Variants in KIRREL3 observed in about 807,000 individuals in gnomAD.
KIRREL3 encodes kin of IRRE-like protein 3.
In KIRREL3, 36 loss-of-function variants were observed where a neutral mutation model predicts 89.7. The observed-to-expected ratio is 0.40, with a 90% CI of 0.31 to 0.53. KIRREL3 has a LOEUF of 0.53. KIRREL3 is among the 20% of genes least tolerant of loss of function. The probability of loss-of-function intolerance (pLI) is 0.49; values close to 1 mark genes in which losing one functional copy is unlikely to be tolerated. For synonymous variants in KIRREL3, 445 were observed against 441.4 expected, an observed-to-expected ratio of 1.01 and a Z score of -0.10; for missense variants, 864 against 1,056.6, an observed-to-expected ratio of 0.82 and a Z score of 2.53.
Position 126,459,122 on chromosome 11 carries a change from C to T in KIRREL3, c.743-2668G>A, listed in dbSNP as rs1393152731. On this transcript the variant is annotated intron_variant, in intron 6 of 16. Transcript: ENST00000525144. The surrounding 1 kb of genome is among the most constrained non-coding windows in gnomAD (Gnocchi z 4.8). ...TGCCCTCGCATTATAAAGGCCAACGCTGGGACGTGAGTACCCACCCCAAGT... is the reference window on the plus strand; with the variant it reads ...TGCCCTCGCATTATAAAGGCCAACGTTGGGACGTGAGTACCCACCCCAAGT... 6.6e-6 allele frequency among the ~76,000 whole-genome samples: 1 copy of T among 152,138 alleles called. No individual in the cohort carries two copies. Among genetic ancestry groups the T allele is most frequent in the African/African-American group, 2.4e-5 (1 of 41,410 alleles).
Position 126,462,016 on chromosome 11 carries a change from TTAAAC to T in KIRREL3, c.742+1136_742+1140del, listed in dbSNP as rs958490075. 6.6e-6 allele frequency among the ~76,000 whole-genome samples: 1 copy of T among 152,152 alleles called. No individual in the cohort carries two copies. Among genetic ancestry groups the T allele is most frequent in the African/African-American group, 2.4e-5 (1 of 41,430 alleles). The stretch of plus-strand genomic sequence containing the variant: ...AAGTCCACTTTTGAGTCCTGACTCT[TTAAAC>T]TGAACTAATCCAGTCTTGAGAGGAA... On this transcript the variant is annotated intron_variant, in intron 6 of 16. Transcript: ENST00000525144. The surrounding 1 kb of genome is among the most constrained non-coding windows in gnomAD (Gnocchi z 4.8).
intron 1 of KIRREL3, among the ~76,000 whole-genome samples, chr11:126,894,263 T>C (rs1178796963): frequency 6.6e-6 from 1 of 151,944 alleles, no homozygotes; most frequent in Admixed American, 6.6e-5. Context: ...GCTGGGTAAG[T>C]TTCTACTCAC....
chr11:126,424,443 G>A lies in KIRREL3; in HGVS notation c.*137C>T. ...TGCTTGATCAGAGCTTCGAAGGAAG[G>A]CAGTGGCAGAGGCGCTGGGAGGCTG... On this transcript the variant is annotated 3_prime_UTR_variant, in exon 17 of 17. Coordinates refer to ENST00000525144, the MANE Select transcript of KIRREL3 (RefSeq NM_032531.4). 1 of 768,502 alleles carries A rather than the reference G, an allele frequency of 1.3e-6. No homozygotes were observed. Among genetic ancestry groups the A allele is most frequent in the Non-Finnish European group, 2.1e-6 (1 of 478,238 alleles). The allele number at this position is 768,502 out of a possible 1,614,324, so 47.6% of individuals were successfully genotyped here.
At position 126,474,299 on chromosome 11, in the gene KIRREL3, C is replaced by T. The variant is rs1222718854; in HGVS notation, c.434-833G>A. Among the ~76,000 whole-genome samples the T allele has an allele frequency of 6.6e-6, 1 of 152,186 alleles. No homozygotes were observed. The highest frequency in any genetic ancestry group is 6.5e-5 in the Admixed American group (1 of 15,284). ...TGTCACACCTGCTGTCTGAGTTAGT[C>T]CTCACAACAGTCTGGTGAGGTCAAC... On this transcript the variant is annotated intron_variant, in intron 4 of 16. Transcript: ENST00000525144. This position sits in a 1 kb window ranked among gnomAD's most constrained non-coding sequence, Gnocchi z 6.7.
intron 2 of KIRREL3, among the ~76,000 whole-genome samples, chr11:126,539,498 G>C (rs185178313): frequency 6.6e-6 from 1 of 152,222 alleles, no homozygotes; most frequent in Non-Finnish European, 1.5e-5. Context: ...AGACTGATCA[G>C]CAAGGTTTTG....
chr11:126,525,491 T>C lies in KIRREL3; in HGVS notation c.283+1047A>G, dbSNP rs1024509535. Among the ~76,000 whole-genome samples the C allele has an allele frequency of 6.6e-6, 1 of 152,250 alleles. No homozygotes were observed. Among genetic ancestry groups the C allele is most frequent in the African/African-American group, 2.4e-5 (1 of 41,468 alleles). ...TCGTGCCTGCTATTGACCATTGCTA[T>C]AATGTTTCAATATACATTTTTGGCA... On this transcript the variant is annotated intron_variant, in intron 3 of 16. Coordinates refer to ENST00000525144, the MANE Select transcript of KIRREL3 (RefSeq NM_032531.4). This position sits in a 1 kb window ranked among gnomAD's most constrained non-coding sequence, Gnocchi z 5.4.
chr11:126,828,797 A>G (rs1943505374), intron 1 of KIRREL3, among the ~76,000 whole-genome samples: 1 of 152,140 alleles, frequency 6.6e-6, no homozygotes, highest in South Asian at 2.1e-4. Context: ...GTTTTTATTT[A>G]TTTAATTTTT....
At chr11:126,507,174 A>G (rs2134384844) in intron 4 of KIRREL3, among the ~76,000 whole-genome samples, 1 of 152,340 alleles carries the variant, frequency 6.6e-6, no homozygotes, top group African/African-American at 2.4e-5. Context: ...GCCAAATCCA[A>G]GAAGCACTGC....
chr11:126,889,492 T>C (rs906618462), intron 1 of KIRREL3, among the ~76,000 whole-genome samples: 2 of 152,174 alleles, frequency 1.3e-5, no homozygotes, highest in Non-Finnish European at 1.5e-5. Context: ...TAAAAATTGT[T>C]CTTCTTGGAA....
rs371853407 is a variant in KIRREL3, at chr11:126,697,154, C to T, written c.56-134242G>A. 1.6e-4 allele frequency among the ~76,000 whole-genome samples: 24 copies of T among 152,296 alleles called. No homozygotes were observed. The highest frequency in any genetic ancestry group is 6.8e-3 in the Middle Eastern group (2 of 294). On this transcript the variant is annotated intron_variant, in intron 1 of 16. Coordinates refer to ENST00000525144, the MANE Select transcript of KIRREL3 (RefSeq NM_032531.4). The surrounding 1 kb of genome is among the most constrained non-coding windows in gnomAD (Gnocchi z 4.2). ...CAAATGAAGGCTTAGTCACTTCCTC[C>T]GCTGGTCCCCCAGACCTGTGTTCAC...
intron 4 of KIRREL3, among the ~76,000 whole-genome samples, chr11:126,488,692 A>G (rs1034990732): frequency 4.6e-5 from 7 of 152,198 alleles, no homozygotes; most frequent in Admixed American, 1.3e-4. Context: ...GCTGGAGCCC[A>G]CACCCTCCCA....
At chr11:126,721,384 G>T (rs1948163995) in intron 1 of KIRREL3, among the ~76,000 whole-genome samples, 1 of 152,080 alleles carries the variant, frequency 6.6e-6, no homozygotes, top group South Asian at 2.1e-4. Flanking sequence ...TACAAAATTA[G>T]CTGGGTATAG....
rs1421761781 is a variant in KIRREL3, at chr11:126,878,125, A to G, written c.55+122330T>C. On this transcript the variant is annotated intron_variant, in intron 1 of 16. Transcript: ENST00000525144. Reference sequence around the variant, plus strand: ...AGGTACGTTGATGGAAGACAGATAAATACTTATTCTCCAGGTAGTGTCAGC... The same window carrying G: ...AGGTACGTTGATGGAAGACAGATAAGTACTTATTCTCCAGGTAGTGTCAGC... Among the ~76,000 whole-genome samples the G allele has an allele frequency of 2.0e-5, 3 of 152,188 alleles. No homozygotes were observed. The East Asian group carries it at 5.8e-4, about 29-fold the overall frequency.
intron 5 of KIRREL3, among the ~76,000 whole-genome samples, chr11:126,467,634 T>G (rs1383115522): frequency 6.9e-6 from 1 of 145,096 alleles, no homozygotes; most frequent in Non-Finnish European, 1.5e-5. Flanking sequence ...GGTCCCTTTT[T>G]TTTTTTTTTT....
chr11:126,904,185 C>A lies in KIRREL3; in HGVS notation c.55+96270G>T, dbSNP rs1946482935. Among the ~76,000 whole-genome samples the A allele has an allele frequency of 6.6e-6, 1 of 152,184 alleles. No individual in the cohort carries two copies. ...CCCTTTGAAGCCTCTTTTTAACACA[C>A]AGGTAAAGTTTTCAGGACTATTTTT... On this transcript the variant is annotated intron_variant, in intron 1 of 16. Coordinates refer to ENST00000525144, the MANE Select transcript of KIRREL3 (RefSeq NM_032531.4). This position sits in a 1 kb window ranked among gnomAD's most constrained non-coding sequence, Gnocchi z 4.4.
chr11:126,679,051 GC>G (rs1358431098), intron 1 of KIRREL3, among the ~76,000 whole-genome samples: 1 of 152,190 alleles, frequency 6.6e-6, no homozygotes, highest in Non-Finnish European at 1.5e-5. Context: ...GAGATGCTTT[GC>G]TTTTTGACAA....
At chr11:126,461,510 G>A (rs546885755) in intron 6 of KIRREL3, among the ~76,000 whole-genome samples, 10 of 152,310 alleles carry the variant, frequency 6.6e-5, no homozygotes, top group East Asian at 3.9e-4. Flanking sequence ...GGGGTATGTC[G>A]GGGGTTGTAG....
At position 126,566,926 on chromosome 11, in the gene KIRREL3, A is replaced by G. The variant is rs868788792; in HGVS notation, c.56-4014T>C. On this transcript the variant is annotated intron_variant, in intron 1 of 16. Coordinates refer to ENST00000525144, the MANE Select transcript of KIRREL3 (RefSeq NM_032531.4). This position sits in a 1 kb window ranked among gnomAD's most constrained non-coding sequence, Gnocchi z 4.9. ...ACTGAGGCTCAGAAGTAAAGTGACAATTTAAGGCCAACACACTAGCTGGTG... is the reference window on the plus strand; with the variant it reads ...ACTGAGGCTCAGAAGTAAAGTGACAGTTTAAGGCCAACACACTAGCTGGTG... 6.6e-6 allele frequency among the ~76,000 whole-genome samples: 1 copy of G among 152,214 alleles called. No individual in the cohort carries two copies. Among genetic ancestry groups the G allele is most frequent in the African/African-American group, 2.4e-5 (1 of 41,452 alleles).
chr11:126,828,668 G>A (rs548743231), intron 1 of KIRREL3, among the ~76,000 whole-genome samples: 9 of 152,268 alleles, frequency 5.9e-5, no homozygotes, highest in Admixed American at 2.6e-4. Flanking sequence ...AGTCTTGCAC[G>A]TAGGCTCTGC....
Sources: allele counts gnomAD v4.1 joint callset (sites outside exome capture counted in the v4.1 genomes callset), GRCh38; gene constraint gnomAD v4.1.1; non-coding constraint Gnocchi (gnomAD v3.1); transcripts MANE v1.5; gene names NCBI Gene and HGNC (gene_info 2026-07-23, HGNC 2026-07-21).